PBRM1: variants seen among roughly 807,000 people sequenced by gnomAD.
The protein encoded by PBRM1 is protein polybromo-1.
A neutral mutation model predicts 194.5 loss-of-function variants in PBRM1; 27 were observed. That is an observed-to-expected ratio of 0.14 (90% CI 0.10 to 0.19). The LOEUF (loss-of-function observed/expected upper bound fraction) is 0.19. Among genes scored for constraint, PBRM1 ranks in the 10% least tolerant of loss-of-function variants. The probability of loss-of-function intolerance (pLI) is 1.00; values close to 1 mark genes in which losing one functional copy is unlikely to be tolerated. For missense variants in PBRM1, 1,466 were observed against 2,077.2 expected, an observed-to-expected ratio of 0.71 and a Z score of 5.72; for synonymous variants, 655 against 693.2, an observed-to-expected ratio of 0.94 and a Z score of 0.87.
downstream of PBRM1, chr3:52,547,126 T>C (rs1318698426): frequency 1.3e-5 from 3 of 233,000 alleles, no homozygotes; most frequent in Non-Finnish European, 1.7e-5. Context: ...CTTAATGCTT[T>C]CTTCAAGACG....
At chr3:52,670,875 C>G (rs938506637) in intron 2 of PBRM1, among the ~76,000 whole-genome samples, 1 of 152,202 alleles carries the variant, frequency 6.6e-6, no homozygotes, top group East Asian at 1.9e-4. Flanking sequence ...CTAAGGAAAA[C>G]AAAGCAAAAC....
At chr3:52,600,141 T>C (rs1215187794) in intron 17 of PBRM1, among the ~76,000 whole-genome samples, 1 of 152,214 alleles carries the variant, frequency 6.6e-6, no homozygotes, top group Admixed American at 6.5e-5. Context: ...TTTCTATGTG[T>C]TGGGAACATT....
chr3:52,574,887 T>C (rs1168034727), intron 22 of PBRM1, among the ~76,000 whole-genome samples: 2 of 152,154 alleles, frequency 1.3e-5, no homozygotes, highest in Non-Finnish European at 2.9e-5. Flanking sequence ...GTAGTAACCA[T>C]ATACAACAAC....
At chr3:52,607,857 C>T (rs2094427884) in intron 16 of PBRM1, among the ~76,000 whole-genome samples, 1 of 152,192 alleles carries the variant, frequency 6.6e-6, no homozygotes, top group Admixed American at 6.5e-5. Flanking sequence ...TTATTAAGGA[C>T]CATTTCTTAA....
intron 10 of PBRM1, among the ~76,000 whole-genome samples, chr3:52,639,077 C>T (rs1013150734): frequency 6.6e-5 from 10 of 151,638 alleles, no homozygotes; most frequent in Admixed American, 2.0e-4. Flanking sequence ...CTCCGCCTCC[C>T]GGGTTCAAGC....
At chr3:52,605,886 A>G (rs2094321264) in intron 16 of PBRM1, among the ~76,000 whole-genome samples, 1 of 152,130 alleles carries the variant, frequency 6.6e-6, no homozygotes, top group Non-Finnish European at 1.5e-5. Context: ...TACAGGTGTG[A>G]GCCACTGTGT....
chr3:52,638,768 CTT>C (rs376252437), intron 10 of PBRM1, among the ~76,000 whole-genome samples: 205 of 151,614 alleles, frequency 1.4e-3, no homozygotes, highest in African/African-American at 4.6e-3. Context: ...GCTAATTTTT[CTT>C]TTTCTTTTTG....
At chr3:52,679,849 A>C, upstream of PBRM1, 1 of 611,656 alleles carries the variant, frequency 1.6e-6, no homozygotes, top group African/African-American at 1.9e-5. Flanking sequence ...TTGTAGTTTA[A>C]CTAGCTATAA....
intron 22 of PBRM1, among the ~76,000 whole-genome samples, chr3:52,575,346 T>C (rs6805156): frequency 0.46 from 69,087 of 151,830 alleles, 16,071 homozygotes; most frequent in African/African-American, 0.52. Context: ...AGAGTTATCA[T>C]GTTATAATAC....
chr3:52,636,607 A>T (rs938065034), intron 10 of PBRM1, among the ~76,000 whole-genome samples: 1 of 151,554 alleles, frequency 6.6e-6, no homozygotes, highest in African/African-American at 2.4e-5. Context: ...AATAAAAAAA[A>T]TTAGCCGGGT....
intron 7 of PBRM1, among the ~76,000 whole-genome samples, chr3:52,645,585 T>C (rs540086653): frequency 1.1e-4 from 16 of 152,192 alleles, no homozygotes; most frequent in Non-Finnish European, 1.5e-4. Flanking sequence ...GCTTCTTGAA[T>C]TGCCAGCATC....
intron 25 of PBRM1, chr3:52,560,535 C>T (rs972571060): frequency 6.6e-6 from 1 of 152,176 alleles, no homozygotes; most frequent in Admixed American, 6.5e-5. Context: ...AGCTTATTTA[C>T]TGGTGGTCTT....
chr3:52,626,688 C>T (rs898523943), intron 13 of PBRM1, among the ~76,000 whole-genome samples: 7 of 151,848 alleles, frequency 4.6e-5, no homozygotes, highest in Admixed American at 2.0e-4. Flanking sequence ...CCACAAAACC[C>T]GTGAGAAGGA....
At chr3:52,616,292 A>C (rs2153477020) in intron 14 of PBRM1, among the ~76,000 whole-genome samples, 1 of 152,324 alleles carries the variant, frequency 6.6e-6, no homozygotes, top group Non-Finnish European at 1.5e-5. Flanking sequence ...ATGACTTAAA[A>C]ATGTTATTTT....
chr3:52,591,844 A>C (rs1576320981), intron 17 of PBRM1, among the ~76,000 whole-genome samples: 1 of 95,378 alleles, frequency 1.0e-5, no homozygotes, highest in Non-Finnish European at 2.0e-5. Flanking sequence ...TTTTTGACAT[A>C]GTCTTGCTCT....
intron 17 of PBRM1, among the ~76,000 whole-genome samples, chr3:52,602,440 C>T (rs979509074): frequency 6.6e-6 from 1 of 152,192 alleles, no homozygotes; most frequent in African/African-American, 2.4e-5. Context: ...TTTCAAGTAT[C>T]CTTTGGATTC....
chr3:52,642,049 C>CAAA lies in PBRM1; in HGVS notation c.996-7_996-5dup. ...TCCTTGTACTGCTCTTTTATTACTA[C>CAAA]AAAAAAAAAAAAAGCAATTAGACAG... On this transcript the variant is annotated splice_polypyrimidine_tract_variant and splice_region_variant and intron_variant, in intron 9 of 29. Coordinates refer to ENST00000296302, the Ensembl canonical transcript of PBRM1. 16 of 1,176,098 alleles carry CAAA rather than the reference C, an allele frequency of 1.4e-5. No individual in the cohort carries two copies. The highest frequency in any genetic ancestry group is 5.0e-5 in the East Asian group (2 of 40,078). The allele number at this position is 1,176,098 out of a possible 1,614,324, so 72.9% of individuals were successfully genotyped here. A position where few individuals can be genotyped will look rare whatever the true frequency, so the allele number is the denominator to read the frequency against.
chr3:52,643,188 C>T (rs1415932985), intron 9 of PBRM1, 60 bp downstream of exon 10: 5 of 1,170,234 alleles, frequency 4.3e-6, no homozygotes, highest in African/African-American at 1.5e-5. Flanking sequence ...TGGGCAAATA[C>T]TAGTATGCCT....
chr3:52,667,223 G>C (rs1298271233), intron 3 of PBRM1, among the ~76,000 whole-genome samples: 1 of 152,024 alleles, frequency 6.6e-6, no homozygotes, highest in Non-Finnish European at 1.5e-5. Context: ...CATACTAATA[G>C]AAGAATATCT....
Sources: gnomAD v4.1 joint callset for allele counts (sites outside exome capture counted in the v4.1 genomes callset) on GRCh38, gnomAD v4.1.1 for gene constraint, MANE v1.5 for transcripts, NCBI Gene and HGNC (gene_info 2026-07-23, HGNC 2026-07-21) for gene names.